GPR176: variants seen among roughly 807,000 people sequenced by gnomAD.
The protein encoded by GPR176 is G protein-coupled receptor 176.
In GPR176, 26 loss-of-function variants were observed where a neutral mutation model predicts 35.4. The ratio of observed to expected loss-of-function variants is 0.74; its 90% CI spans 0.54 to 1.02. GPR176 has a LOEUF of 1.02. Ranked by LOEUF, GPR176 falls within the 50% of genes least tolerant of loss-of-function variation. The probability of loss-of-function intolerance (pLI) is 0.00; values close to 1 mark genes in which losing one functional copy is unlikely to be tolerated. For synonymous variants in GPR176, 278 were observed against 271.3 expected, an observed-to-expected ratio of 1.02 and a Z score of -0.24; for missense variants, 597 against 665.3, an observed-to-expected ratio of 0.90 and a Z score of 1.13.
chr15:39,829,964 T>C (rs1158431913), intron 1 of GPR176, among the ~76,000 whole-genome samples: 22 of 151,772 alleles, frequency 1.4e-4, no homozygotes, highest in Admixed American at 1.3e-3. Context: ...AGTACTGTTA[T>C]AATTATATAA....
intron 1 of GPR176, among the ~76,000 whole-genome samples, chr15:39,895,990 A>G (rs1168900294): frequency 6.6e-6 from 1 of 152,230 alleles, no homozygotes; most frequent in Non-Finnish European, 1.5e-5. Flanking sequence ...TACTCCATTG[A>G]AAAAGATACT....
chr15:39,828,175 G>T (rs1900811536), intron 1 of GPR176, among the ~76,000 whole-genome samples: 1 of 152,164 alleles, frequency 6.6e-6, no homozygotes, highest in South Asian at 2.1e-4. Context: ...TTGTTTTTCA[G>T]CCCTTAATAC....
intron 1 of GPR176, among the ~76,000 whole-genome samples, chr15:39,816,741 C>G (rs1899930854): frequency 6.6e-6 from 1 of 152,090 alleles, no homozygotes; most frequent in African/African-American, 2.4e-5. Flanking sequence ...TCTAACTATG[C>G]TTGGTTACTT....
chr15:39,804,551 T>C (rs185846349), intron 2 of GPR176, among the ~76,000 whole-genome samples: 124 of 152,274 alleles, frequency 8.1e-4, no homozygotes, highest in African/African-American at 2.4e-3. Context: ...ACAGGGATTA[T>C]TGCATTGCTT....
chr15:39,808,224 G>T (rs1899322969), intron 1 of GPR176, among the ~76,000 whole-genome samples: 1 of 152,032 alleles, frequency 6.6e-6, no homozygotes, highest in African/African-American at 2.4e-5. Flanking sequence ...CTCAACTCCA[G>T]AATCCTTTTT....
At chr15:39,878,753 A>G (rs535316121) in intron 1 of GPR176, among the ~76,000 whole-genome samples, 2 of 152,350 alleles carry the variant, frequency 1.3e-5, no homozygotes, top group South Asian at 4.1e-4. Flanking sequence ...CCAGTGTACG[A>G]GGTTTCCTGC....
intron 1 of GPR176, among the ~76,000 whole-genome samples, chr15:39,907,152 C>T (rs2033445241): frequency 6.6e-6 from 1 of 152,232 alleles, no homozygotes; most frequent in Admixed American, 6.5e-5. Context: ...GCAGAGAGAA[C>T]AGCAAAGTCA....
At chr15:39,869,292 A>G (rs1158144518) in intron 1 of GPR176, among the ~76,000 whole-genome samples, 2 of 152,222 alleles carry the variant, frequency 1.3e-5, no homozygotes, top group African/African-American at 2.4e-5. Flanking sequence ...AAAATACCCT[A>G]TATCTTTTCC....
intron 1 of GPR176, among the ~76,000 whole-genome samples, chr15:39,857,654 G>A (rs576006847): frequency 6.6e-6 from 1 of 151,148 alleles, no homozygotes; most frequent in South Asian, 2.1e-4. Flanking sequence ...TGGGTGACAA[G>A]GCAAGACATT....
chr15:39,911,781 A>G (rs1036450220), intron 1 of GPR176, among the ~76,000 whole-genome samples: 2 of 152,210 alleles, frequency 1.3e-5, no homozygotes, highest in African/African-American at 4.8e-5. Flanking sequence ...CCTTTTGTCA[A>G]TAATCCCTAG....
At chr15:39,840,874 TG>T (rs1566947297) in intron 1 of GPR176, among the ~76,000 whole-genome samples, 1 of 152,176 alleles carries the variant, frequency 6.6e-6, no homozygotes, top group African/African-American at 2.4e-5. Context: ...ATTTAATGTG[TG>T]GTAATACATT....
chr15:39,913,880 A>G (rs545573934), intron 1 of GPR176, among the ~76,000 whole-genome samples: 15 of 152,242 alleles, frequency 9.9e-5, no homozygotes, highest in Non-Finnish European at 2.2e-4. Context: ...CCCTGTCTCT[A>G]CTAAAAATAC....
rs190950058 is a variant in GPR176, at chr15:39,820,696, C to T, written c.173-13438G>A. ...CAGATGTAACATGATTTTGGAAGTACTTGTCTGTAATGAAGTGCATGTGGG... is the reference window on the plus strand; with the variant it reads ...CAGATGTAACATGATTTTGGAAGTATTTGTCTGTAATGAAGTGCATGTGGG... On this transcript the variant is annotated intron_variant, in intron 1 of 2. Transcript: ENST00000561100. Among the ~76,000 whole-genome samples the T allele has an allele frequency of 2.8e-3, 428 of 152,278 alleles. 1 individual carries two copies. Among genetic ancestry groups the T allele is most frequent in the Non-Finnish European group, 3.6e-3 (245 of 68,020 alleles).
At chr15:39,903,534 A>T (rs1880401119) in intron 1 of GPR176, among the ~76,000 whole-genome samples, 2 of 152,120 alleles carry the variant, frequency 1.3e-5, no homozygotes, top group African/African-American at 4.8e-5. Flanking sequence ...AATGAGAATG[A>T]TTACTTGTGG....
At chr15:39,848,255 T>G (rs2030588962) in intron 1 of GPR176, among the ~76,000 whole-genome samples, 1 of 152,036 alleles carries the variant, frequency 6.6e-6, no homozygotes. Flanking sequence ...GATAAAAGGG[T>G]CAATCAAATA....
chr15:39,855,269 T>C (rs2031140941), intron 1 of GPR176, among the ~76,000 whole-genome samples: 1 of 152,290 alleles, frequency 6.6e-6, no homozygotes, highest in South Asian at 2.1e-4. Context: ...TCCAAAACTA[T>C]GCATGAAGAA....
chr15:39,809,656 T>C (rs1899416173), intron 1 of GPR176, among the ~76,000 whole-genome samples: 1 of 152,228 alleles, frequency 6.6e-6, no homozygotes, highest in South Asian at 2.1e-4. Context: ...CCCATTATAC[T>C]TTCTAATGTT....
chr15:39,801,164 T>C lies in GPR176; in HGVS notation c.1516A>G (p.Lys506Glu). 1.2e-6 allele frequency: 2 copies of C among 1,610,864 alleles called. No homozygotes were observed. The highest frequency in any genetic ancestry group is 2.2e-5 in the South Asian group (2 of 90,738). The change falls in exon 3 of 3, where the codon AAA (lysine) becomes GAA (glutamate). Residue 506 changes from lysine (K) to glutamate (E), a missense_variant. By Grantham distance (56) the Lys-to-Glu change is moderately conservative. Around this residue, in one of 3 missense-constraint regions of GPR176, gnomAD observed 251 missense variants for 255.4 expected, o/e 0.98. Coordinates refer to ENST00000561100, the MANE Select transcript of GPR176 (RefSeq NM_007223.3). ...TCCACCTTTGGAAAAATGCTCACTT[T>C]ATTGTTTCTGCTCATCTTCCGCTCC... ...RVERKMSRNN[K>E]VSIFPKVDS
At chr15:39,818,899 T>C (rs541131078) in intron 1 of GPR176, among the ~76,000 whole-genome samples, 4 of 152,360 alleles carry the variant, frequency 2.6e-5, no homozygotes, top group South Asian at 2.1e-4. Flanking sequence ...TGGAAAACTT[T>C]CACGGCTTCA....
Sources: allele counts gnomAD v4.1 joint callset (sites outside exome capture counted in the v4.1 genomes callset), GRCh38; gene constraint gnomAD v4.1.1; regional missense constraint gnomAD v4.1.1; transcripts MANE v1.5; gene names NCBI Gene and HGNC (gene_info 2026-07-23, HGNC 2026-07-21).